Variants in DARS1 observed in about 807,000 individuals in gnomAD.
The protein encoded by DARS1 is aspartate--tRNA ligase, cytoplasmic.
DARS1 carries 51 observed loss-of-function variants against 68.8 expected under a neutral mutation model. That is an observed-to-expected ratio of 0.74 (90% CI 0.59 to 0.94). DARS1 has a LOEUF of 0.94. Among genes scored for constraint, DARS1 ranks in the 40% least tolerant of loss-of-function variants. The pLI is 0.00. For synonymous variants in DARS1, 203 were observed against 190.4 expected (o/e 1.07, Z -0.55); for missense variants, 607 against 597.3 (o/e 1.02, Z -0.17).
intron 3 of DARS1, 70 bp from the exon 4 acceptor site, chr2:135,961,568 G>A (rs755013612): frequency 1.0e-5 from 9 of 868,340 alleles, no homozygotes; most frequent in Admixed American, 9.2e-5. Context: ...GAAGGAAAAT[G>A]CTCTCTACTT....
chr2:135,921,644 G>A (rs1681112334), intron 9 of DARS1, among the ~76,000 whole-genome samples: 1 of 152,088 alleles, frequency 6.6e-6, no homozygotes, highest in South Asian at 2.1e-4. Context: ...TTAGTCTTGG[G>A]AGCAGGCACA....
intron 3 of DARS1, among the ~76,000 whole-genome samples, chr2:135,970,252 C>CAAAAAAAAAAAA (rs1217937806): frequency 2.0e-5 from 1 of 49,214 alleles, no homozygotes; most frequent in Non-Finnish European, 4.5e-5. Context: ...GACCCTGTCT[C>CAAAAAAAAAAAA]AAAAAAAAAA....
intron 4 of DARS1, among the ~76,000 whole-genome samples, chr2:135,945,615 A>G (rs924067760): frequency 6.6e-6 from 1 of 152,210 alleles, no homozygotes; most frequent in Admixed American, 6.5e-5. Context: ...ACATGGAACT[A>G]TATCTACCTT....
chr2:135,962,900 T>C (rs1682130998), intron 3 of DARS1, among the ~76,000 whole-genome samples: 1 of 152,214 alleles, frequency 6.6e-6, no homozygotes, highest in South Asian at 2.1e-4. Context: ...AAAAGTATGT[T>C]ACTGTGAAAT....
chr2:135,977,963 T>A (rs751429199), intron 3 of DARS1, among the ~76,000 whole-genome samples: 21 of 151,460 alleles, frequency 1.4e-4, no homozygotes, highest in Admixed American at 6.6e-5. Flanking sequence ...GCCAACATGG[T>A]GAAACTCTGT....
intron 15 of DARS1, 146 bp downstream of exon 15, chr2:135,910,993 A>G (rs1451835965): frequency 2.1e-5 from 12 of 561,922 alleles, no homozygotes; most frequent in East Asian, 3.1e-5. Flanking sequence ...ATAATATTTT[A>G]TAACACACAA....
chr2:135,947,250 A>C (rs1173789247), intron 4 of DARS1, among the ~76,000 whole-genome samples: 2 of 152,066 alleles, frequency 1.3e-5, no homozygotes, highest in African/African-American at 4.8e-5. Flanking sequence ...TACTAAAAAT[A>C]CAAAAAAATT....
At chr2:135,982,331 A>G (rs1474712568) in intron 2 of DARS1, among the ~76,000 whole-genome samples, 4 of 152,162 alleles carry the variant, frequency 2.6e-5, no homozygotes, top group Non-Finnish European at 5.9e-5. Context: ...GCGGTGGCTC[A>G]CACCTGTAAT....
chr2:135,983,945 A>AT (rs1384194504), intron 1 of DARS1, among the ~76,000 whole-genome samples: 1 of 152,224 alleles, frequency 6.6e-6, no homozygotes, highest in Non-Finnish European at 1.5e-5. Flanking sequence ...GATGCTGGGT[A>AT]TAAGCTAACT....
At chr2:135,950,654 C>T (rs1342651355) in intron 4 of DARS1, among the ~76,000 whole-genome samples, 1 of 152,088 alleles carries the variant, frequency 6.6e-6, no homozygotes, top group African/African-American at 2.4e-5. Flanking sequence ...TCCAATTATA[C>T]TTAGAAACTA....
Position 135,906,082 on chromosome 2 carries a change from G to GA in DARS1, c.*1233dup, listed in dbSNP as rs1189259852. Among the ~76,000 whole-genome samples the GA allele has an allele frequency of 6.6e-6, 1 of 152,000 alleles. No individual in the cohort carries two copies. Among genetic ancestry groups the GA allele is most frequent in the East Asian group, 1.9e-4 (1 of 5,202 alleles). ...TAAGGTATTCTGGTAGGATATGAAA[G>GA]AAAAAAATAAGAACTGAATCTAAAC... On this transcript the variant is annotated 3_prime_UTR_variant, in exon 16 of 16. Transcript: ENST00000264161.
At chr2:135,916,171 C>T (rs1011694539) in intron 11 of DARS1, 55 bp downstream of exon 11, 33 of 999,566 alleles carry the variant, frequency 3.3e-5, no homozygotes, top group East Asian at 2.2e-4. Flanking sequence ...CAAACCTGCA[C>T]GTTCTGCACA....
intron 3 of DARS1, among the ~76,000 whole-genome samples, chr2:135,973,592 C>T (rs956001686): frequency 8.6e-5 from 13 of 152,030 alleles, no homozygotes; most frequent in Non-Finnish European, 1.0e-4. Flanking sequence ...TGGTGGCTCA[C>T]ACCTGTAATC....
At chr2:135,930,178 G>A (rs1235145475) in intron 7 of DARS1, among the ~76,000 whole-genome samples, 1 of 152,134 alleles carries the variant, frequency 6.6e-6, no homozygotes, top group Non-Finnish European at 1.5e-5. Context: ...GTTCATTAGT[G>A]AACTATAAAA....
chr2:135,963,377 T>C (rs1276446432), intron 3 of DARS1, among the ~76,000 whole-genome samples: 1 of 151,630 alleles, frequency 6.6e-6, no homozygotes, highest in Non-Finnish European at 1.5e-5. Context: ...TTAATGACTT[T>C]TTTTTTTTTT....
intron 1 of DARS1, chr2:135,985,185 T>A (rs1025694732): frequency 2.1e-5 from 14 of 678,616 alleles, no homozygotes; most frequent in Non-Finnish European, 3.0e-5. Flanking sequence ...ACGCTTCTAG[T>A]AGGCCAAACT....
chr2:135,951,244 T>A (rs903181765), intron 4 of DARS1, among the ~76,000 whole-genome samples: 1 of 152,220 alleles, frequency 6.6e-6, no homozygotes, highest in African/African-American at 2.4e-5. Flanking sequence ...AGGGGCTAGC[T>A]TCACTCCTCT....
intron 3 of DARS1, among the ~76,000 whole-genome samples, chr2:135,963,216 A>T (rs573163270): frequency 6.6e-6 from 1 of 152,326 alleles, no homozygotes; most frequent in South Asian, 2.1e-4. Flanking sequence ...ACTTCCTATG[A>T]AGGGGCCTGT....
At chr2:135,960,395 T>C (rs1682074331) in intron 4 of DARS1, among the ~76,000 whole-genome samples, 1 of 152,076 alleles carries the variant, frequency 6.6e-6, no homozygotes, top group East Asian at 1.9e-4. Context: ...TGCTAGAGGG[T>C]CAGGGAGGGC....
Sources: allele counts gnomAD v4.1 joint callset (sites outside exome capture counted in the v4.1 genomes callset), GRCh38; gene constraint gnomAD v4.1.1; transcripts MANE v1.5; gene names NCBI Gene and HGNC (gene_info 2026-07-23, HGNC 2026-07-21).